The following NUP155 variants were observed in gnomAD, a reference collection of about 807,000 sequenced individuals.
NUP155 encodes nuclear pore complex protein Nup155.
NUP155 carries 71 observed loss-of-function variants against 180.4 expected under a neutral mutation model. The observed-to-expected ratio is 0.39, with a 90% CI of 0.33 to 0.48. The LOEUF is 0.48. Among genes scored for constraint, NUP155 ranks in the 20% least tolerant of loss-of-function variants. The pLI, the probability that NUP155 is intolerant of heterozygous loss-of-function variation, is 0.91. For synonymous variants in NUP155, 582 were observed against 559.5 expected (o/e 1.04, Z -0.57); for missense variants, 1,553 against 1,648.9 (o/e 0.94, Z 1.01).
rs1744984645 is a variant in NUP155, at chr5:37,331,857, A to G, written c.1519-62T>C. On this transcript the variant is annotated intron_variant, in intron 13 of 34. Transcript: ENST00000231498. Reference sequence around the variant, plus strand: ...TACCAAGATTGGCTGATAGCAACTGACTCTACCTTATTTGATAAAATAAAT... The same window carrying G: ...TACCAAGATTGGCTGATAGCAACTGGCTCTACCTTATTTGATAAAATAAAT... 4 of 944,058 alleles carry G rather than the reference A, an allele frequency of 4.2e-6. No homozygotes were observed. The East Asian group carries it at 9.6e-5, about 23-fold the overall frequency. The allele number at this position is 944,058 out of a possible 1,614,324, so 58.5% of individuals were successfully genotyped here.
chr5:37,308,875 CAAAAAAAAAA>C (rs59572976), intron 24 of NUP155, among the ~76,000 whole-genome samples: 21,467 of 68,892 alleles, frequency 0.31, 2,095 homozygotes, highest in Middle Eastern at 0.48. Flanking sequence ...GCGAGACTCT[CAAAAAAAAAA>C]AAAAAAAAAA....
chr5:37,361,856 T>C (rs1484782520), intron 3 of NUP155, among the ~76,000 whole-genome samples: 1 of 152,152 alleles, frequency 6.6e-6, no homozygotes. Context: ...TCCTAACTCT[T>C]AATGTGATAG....
chr5:37,310,540 A>G lies in NUP155; in HGVS notation c.2628+12T>C. ...TATAACAAACAATGAAATAGGTAATAAAGTATCATACCTTAGAACAAATTG... is the reference window on the plus strand; with the variant it reads ...TATAACAAACAATGAAATAGGTAATGAAGTATCATACCTTAGAACAAATTG... On this transcript the variant is annotated intron_variant, in intron 23 of 34. Coordinates refer to ENST00000231498, the MANE Select transcript of NUP155 (RefSeq NM_153485.3). 1 of 1,602,018 alleles carries G rather than the reference A, an allele frequency of 6.2e-7. No homozygotes were observed. Among genetic ancestry groups the G allele is most frequent in the Non-Finnish European group, 8.6e-7 (1 of 1,169,556 alleles).
At chr5:37,308,772 C>G (rs556616484) in intron 24 of NUP155, among the ~76,000 whole-genome samples, 3 of 147,106 alleles carry the variant, frequency 2.0e-5, no homozygotes, top group African/African-American at 7.6e-5. Context: ...ACCAGCTACC[C>G]GGGAGGCTGA....
At position 37,364,786 on chromosome 5, in the gene NUP155, G is replaced by A. The variant is rs1016597840; in HGVS notation, c.158-402C>T. 5.3e-5 allele frequency among the ~76,000 whole-genome samples: 8 copies of A among 151,722 alleles called. No homozygotes were observed. In the South Asian group the frequency reaches 8.3e-4, roughly 16 times the overall value. ...CAAGTAGCTGAGACTACAGGCGTCC[G>A]CCACCACACCCGGCTAATTTTTTGT... On this transcript the variant is annotated intron_variant, in intron 1 of 34. Coordinates refer to ENST00000231498, the MANE Select transcript of NUP155 (RefSeq NM_153485.3).
intron 10 of NUP155, 120 bp from the exon 11 acceptor site, chr5:37,341,362 G>T: frequency 1.1e-6 from 1 of 883,338 alleles, no homozygotes; most frequent in Non-Finnish European, 1.8e-6. Context: ...TAACTTTCCT[G>T]ACTAATTTTT....
rs77520181 is a variant in NUP155, at chr5:37,352,727, G to A, written c.556+10C>T. The A allele has an allele frequency of 0.014, 22,582 of 1,587,300 alleles. 1,794 individuals are homozygous for A. In the African/African-American group the frequency reaches 0.21, roughly 15 times the overall value. Reference sequence around the variant, plus strand: ...TATTTTAAAAAACGTTAACATGTGGGTTGCCATACCTGTTTGCAAATTAGC... The same window carrying A: ...TATTTTAAAAAACGTTAACATGTGGATTGCCATACCTGTTTGCAAATTAGC... On this transcript the variant is annotated intron_variant, in intron 5 of 34. Coordinates refer to ENST00000231498, the MANE Select transcript of NUP155 (RefSeq NM_153485.3).
intron 11 of NUP155, among the ~76,000 whole-genome samples, chr5:37,338,384 TATAA>T (rs1035389872): frequency 6.7e-6 from 1 of 150,204 alleles, no homozygotes; most frequent in African/African-American, 2.5e-5. Flanking sequence ...AACTAGCATA[TATAA>T]ATATACACAC....
At chr5:37,352,867 C>A in intron 4 of NUP155, 38 bp from the exon 5 acceptor site, 1 of 1,360,954 alleles carries the variant, frequency 7.3e-7, no homozygotes, top group Admixed American at 1.7e-5. Flanking sequence ...ATACTTTCAG[C>A]ATTTAAGCAC....
chr5:37,366,502 G>C (rs374406943), intron 1 of NUP155, among the ~76,000 whole-genome samples: 1 of 151,988 alleles, frequency 6.6e-6, no homozygotes, highest in South Asian at 2.1e-4. Context: ...GCATTGGCGC[G>C]ATCTCAGCTC....
At position 37,293,932 on chromosome 5, in the gene NUP155, G is replaced by A. The variant is rs1480482128; in HGVS notation, c.3930+397C>T. On this transcript the variant is annotated intron_variant, in intron 33 of 34. Coordinates refer to ENST00000231498, the MANE Select transcript of NUP155 (RefSeq NM_153485.3). The stretch of plus-strand genomic sequence containing the variant: ...GAGAATGGCGTGAACCCGGGAAGCG[G>A]AGCTTGCAGTGAGCCGAGATTGCGC... 2.3e-5 allele frequency among the ~76,000 whole-genome samples: 2 copies of A among 85,938 alleles called. 1 individual carries two copies. 56.4% of individuals were successfully genotyped at this position (85,938 alleles called of 152,430 possible).
chr5:37,319,481 C>T (rs1389217311), intron 20 of NUP155, among the ~76,000 whole-genome samples: 2 of 152,158 alleles, frequency 1.3e-5, no homozygotes, highest in African/African-American at 2.4e-5. Context: ...ATATGATCAT[C>T]TCTGTAAAAT....
rs189086044 is a variant in NUP155, at chr5:37,325,844, C to G, written c.2091+57G>C. ...ATCAGGAAATGTGAAACAATCTAACCATTTATACCATCAACTGGCTACACA... is the reference window on the plus strand; with the variant it reads ...ATCAGGAAATGTGAAACAATCTAACGATTTATACCATCAACTGGCTACACA... On this transcript the variant is annotated intron_variant, in intron 19 of 34. Coordinates refer to ENST00000231498, the MANE Select transcript of NUP155 (RefSeq NM_153485.3). 2.9e-4 allele frequency: 291 copies of G among 1,010,678 alleles called. No homozygotes were observed. In the African/African-American group the frequency reaches 4.4e-3, roughly 15 times the overall value. 62.6% of individuals were successfully genotyped at this position (1,010,678 alleles called of 1,614,324 possible). A position where few individuals can be genotyped will look rare whatever the true frequency, so the allele number is the denominator to read the frequency against.
chr5:37,325,842 AC>A, intron 19 of NUP155, 58 bp downstream of exon 19: 2 of 1,003,038 alleles, frequency 2.0e-6, no homozygotes, highest in Non-Finnish European at 3.2e-6. Flanking sequence ...AAACAATCTA[AC>A]CATTTATACC....
At chr5:37,333,819 GT>G (rs537125933) in intron 12 of NUP155, among the ~76,000 whole-genome samples, 186 bp from the exon 13 acceptor site, 10 of 145,362 alleles carry the variant, frequency 6.9e-5, no homozygotes, top group South Asian at 2.2e-4. Flanking sequence ...TTTGTTTTTT[GT>G]TTTTTTTTTG....
At chr5:37,351,079 T>G (rs1217824814) in intron 6 of NUP155, 111 bp downstream of exon 6, 11 of 894,452 alleles carry the variant, frequency 1.2e-5, no homozygotes, top group Admixed American at 2.4e-5. Flanking sequence ...GCTTGAATAT[T>G]TACCATAAAA....
chr5:37,294,439 G>A lies in NUP155; in HGVS notation c.3820C>T (p.Gln1274Ter). The A allele has an allele frequency of 1.2e-6, 2 of 1,613,630 alleles. No individual in the cohort carries two copies. Among genetic ancestry groups the A allele is most frequent in the Non-Finnish European group, 1.7e-6 (2 of 1,179,730 alleles). ...LDFIVQFLEQQVCTLNWDVGF... is the reference protein window; with the variant it reads ...LDFIVQFLEQ Reference sequence around the variant, plus strand: ...ACATCCCAGTTCAAAGTACAAACCTGCTGTTCTAAAAACTGTACAATAAAA... The same window carrying A: ...ACATCCCAGTTCAAAGTACAAACCTACTGTTCTAAAAACTGTACAATAAAA... The change falls in exon 33 of 35, where the codon CAG (glutamine) becomes TAG (stop). Residue 1274 changes from glutamine (Q) to a stop codon, truncating the protein, a stop_gained. Coordinates refer to ENST00000231498, the MANE Select transcript of NUP155 (RefSeq NM_153485.3). LOFTEE classifies it high-confidence loss of function.
At position 37,370,734 on chromosome 5, in the gene NUP155, G is replaced by T. The variant is rs1355656873; in HGVS notation, c.157+87C>A. ...GTGCCATAAATCTCAGCATATCCTC[G>T]CCGGGACCAACGCTGGGGATAAGTA... On this transcript the variant is annotated intron_variant, in intron 1 of 34. Transcript: ENST00000231498. 23 of 1,612,248 alleles carry T rather than the reference G, an allele frequency of 1.4e-5. No homozygotes were observed. In the Admixed American group the frequency reaches 3.8e-4, roughly 27 times the overall value.
At chr5:37,343,243 T>G (rs542324837) in intron 9 of NUP155, among the ~76,000 whole-genome samples, 1 of 151,864 alleles carries the variant, frequency 6.6e-6, no homozygotes, top group Non-Finnish European at 1.5e-5. Context: ...CCTGGCTAAT[T>G]TTTTGTATTT....
Sources: allele counts gnomAD v4.1 joint callset (sites outside exome capture counted in the v4.1 genomes callset), GRCh38; gene constraint gnomAD v4.1.1; transcripts MANE v1.5; gene names NCBI Gene and HGNC (gene_info 2026-07-23, HGNC 2026-07-21).